The following GUCY1A2 variants were observed in gnomAD, a reference collection of about 807,000 sequenced individuals.
The protein encoded by GUCY1A2 is guanylate cyclase 1 soluble subunit alpha 2, also known as guanylate cyclase soluble subunit alpha-2.
Under a neutral mutation model 63.5 loss-of-function variants are expected in GUCY1A2, and 27 were observed. That is an observed-to-expected ratio of 0.43 (90% CI 0.31 to 0.59). GUCY1A2 has a LOEUF of 0.59. GUCY1A2 is among the 20% of genes least tolerant of loss of function. GUCY1A2 has a pLI of 0.11. For missense variants in GUCY1A2, 768 were observed against 913.3 expected (o/e 0.84, Z 2.05); for synonymous variants, 364 against 343.5 (o/e 1.06, Z -0.66).
At chr11:106,812,552 C>T (rs1858776591) in intron 4 of GUCY1A2, among the ~76,000 whole-genome samples, 1 of 151,758 alleles carries the variant, frequency 6.6e-6, no homozygotes, top group African/African-American at 2.4e-5. Flanking sequence ...CACAACTAGA[C>T]CTTATTCTCT....
intron 4 of GUCY1A2, among the ~76,000 whole-genome samples, chr11:106,933,949 T>G (rs1860640808): frequency 6.6e-6 from 1 of 152,054 alleles, no homozygotes; most frequent in African/African-American, 2.4e-5. Context: ...TGAAGACTAC[T>G]GGATGGGAAA....
chr11:106,982,417 A>G (rs565265125), intron 2 of GUCY1A2, among the ~76,000 whole-genome samples: 11 of 152,254 alleles, frequency 7.2e-5, no homozygotes, highest in African/African-American at 2.6e-4. Flanking sequence ...TTTGAGTTAA[A>G]GAGCAACTAA....
At chr11:106,806,555 A>G (rs1286328064) in intron 5 of GUCY1A2, among the ~76,000 whole-genome samples, 1 of 152,230 alleles carries the variant, frequency 6.6e-6, no homozygotes, top group African/African-American at 2.4e-5. Flanking sequence ...GATTTACAAA[A>G]TTAGATACTG....
At chr11:106,906,272 G>A (rs185633077) in intron 4 of GUCY1A2, among the ~76,000 whole-genome samples, 1 of 152,184 alleles carries the variant, frequency 6.6e-6, no homozygotes, top group East Asian at 1.9e-4. Flanking sequence ...GTCAAAAACT[G>A]GGCGAACGAT....
intron 6 of GUCY1A2, among the ~76,000 whole-genome samples, chr11:106,735,718 C>T (rs1863578123): frequency 6.6e-6 from 1 of 152,088 alleles, no homozygotes; most frequent in East Asian, 1.9e-4. Context: ...TACTCTTCTC[C>T]AACAGAACTG....
rs1858937254 is a variant in GUCY1A2, at chr11:106,824,147, T to C, written c.1207-13669A>G. 5 of 1,462,344 alleles carry C rather than the reference T, an allele frequency of 3.4e-6. No homozygotes were observed. In the African/African-American group the frequency reaches 5.8e-5, roughly 17 times the overall value. 90.6% of individuals were successfully genotyped at this position (1,462,344 alleles called of 1,614,324 possible). On this transcript the variant is annotated intron_variant, in intron 4 of 7. Coordinates refer to ENST00000526355, the MANE Select transcript of GUCY1A2 (RefSeq NM_000855.3). ...TGAACAATGAGGCACATGCTATTAC[T>C]GTGCAAGTGACAAAGTCCACACAGA...
intron 6 of GUCY1A2, among the ~76,000 whole-genome samples, chr11:106,731,471 G>A (rs1036911126): frequency 2.6e-5 from 4 of 152,080 alleles, no homozygotes; most frequent in Non-Finnish European, 5.9e-5. Context: ...CTTGAAAGCC[G>A]GAACAAGACA....
At chr11:106,777,317 C>T (rs1413864403) in intron 5 of GUCY1A2, among the ~76,000 whole-genome samples, 3 of 151,690 alleles carry the variant, frequency 2.0e-5, no homozygotes, top group African/African-American at 4.8e-5. Flanking sequence ...CACGGTGGTG[C>T]GTGCCTGTGG....
At chr11:106,991,624 T>A (rs964998448) in intron 1 of GUCY1A2, among the ~76,000 whole-genome samples, 5 of 152,212 alleles carry the variant, frequency 3.3e-5, no homozygotes, top group African/African-American at 9.6e-5. Flanking sequence ...AGGCTCTTAA[T>A]TCAAGTATCA....
At chr11:107,015,561 C>CAAAAAAAAAAAA (rs568139219) in intron 1 of GUCY1A2, among the ~76,000 whole-genome samples, 1 of 27,508 alleles carries the variant, frequency 3.6e-5, no homozygotes, top group African/African-American at 1.1e-4. Flanking sequence ...TTCTCTTAGG[C>CAAAAAAAAAAAA]AAAAAAAAAA....
Position 106,939,535 on chromosome 11 carries a change from C to A in GUCY1A2, c.1131G>T (p.Arg377Ser). The A allele has an allele frequency of 6.2e-7, 1 of 1,613,884 alleles. No individual in the cohort carries two copies. Among genetic ancestry groups the A allele is most frequent in the Non-Finnish European group, 8.5e-7 (1 of 1,179,776 alleles). The change falls in exon 4 of 8, where the codon AGG becomes AGT. Residue 377 changes from arginine to serine, a missense_variant. Arg to Ser is a moderately radical substitution (Grantham distance 110). Around this residue, in one of 3 missense-constraint regions of GUCY1A2, gnomAD observed 496 missense variants for 486.9 expected, o/e 1.02. Transcript: ENST00000526355. Reference sequence around the variant, plus strand: ...ACGGGGTAGACAGTCGCAGCAGGACCCTTTCAAAGGTGGCATTAACCTTTG... The same window carrying A: ...ACGGGGTAGACAGTCGCAGCAGGACACTTTCAAAGGTGGCATTAACCTTTG... ...VSPKVNATFERVLLRLSTPFV... is the reference protein window; with the variant it reads ...VSPKVNATFESVLLRLSTPFV...
chr11:106,864,129 G>A (rs1859554461), intron 4 of GUCY1A2, among the ~76,000 whole-genome samples: 2 of 151,712 alleles, frequency 1.3e-5, no homozygotes, highest in Admixed American at 6.6e-5. Flanking sequence ...ATGGGTTGTT[G>A]GGTACAGCAA....
chr11:106,829,170 G>C (rs1183570977), intron 4 of GUCY1A2, among the ~76,000 whole-genome samples: 1 of 152,186 alleles, frequency 6.6e-6, no homozygotes, highest in African/African-American at 2.4e-5. Context: ...AATTTTCAAA[G>C]TTTCCACATA....
chr11:106,845,966 C>T (rs987248795), intron 4 of GUCY1A2, among the ~76,000 whole-genome samples: 1 of 151,606 alleles, frequency 6.6e-6, no homozygotes, highest in East Asian at 1.9e-4. Context: ...GGATAAACTA[C>T]TATTTTGTAC....
At chr11:106,972,389 G>A (rs970023803) in intron 3 of GUCY1A2, among the ~76,000 whole-genome samples, 2 of 151,806 alleles carry the variant, frequency 1.3e-5, no homozygotes, top group Admixed American at 6.6e-5. Flanking sequence ...AAAGGGAAAC[G>A]AAAAATAAAC....
At chr11:106,907,431 T>A (rs1270256973) in intron 4 of GUCY1A2, among the ~76,000 whole-genome samples, 2 of 151,908 alleles carry the variant, frequency 1.3e-5, no homozygotes, top group Non-Finnish European at 2.9e-5. Context: ...ATACTTTAAG[T>A]TTTAGGGTAC....
chr11:106,730,903 T>C (rs1863491840), intron 6 of GUCY1A2, among the ~76,000 whole-genome samples: 1 of 152,112 alleles, frequency 6.6e-6, no homozygotes. Context: ...TTATTGGCCA[T>C]GTGTATGTCT....
intron 7 of GUCY1A2, among the ~76,000 whole-genome samples, chr11:106,688,254 C>T (rs1375990257): frequency 6.6e-6 from 1 of 152,162 alleles, no homozygotes; most frequent in Admixed American, 6.6e-5. Flanking sequence ...TAGAACAACA[C>T]TTCGTGACTC....
chr11:107,002,840 C>CA (rs1439520752), intron 1 of GUCY1A2, among the ~76,000 whole-genome samples: 2 of 152,034 alleles, frequency 1.3e-5, no homozygotes, highest in African/African-American at 4.8e-5. Context: ...GTTAAAATGA[C>CA]AAAATCTAGA....
Sources: gnomAD v4.1 joint callset for allele counts (sites outside exome capture counted in the v4.1 genomes callset) on GRCh38, gnomAD v4.1.1 for gene constraint, gnomAD v4.1.1 regional missense constraint, MANE v1.5 for transcripts, NCBI Gene and HGNC (gene_info 2026-07-23, HGNC 2026-07-21) for gene names.